ADARB2: variants seen among roughly 807,000 people sequenced by gnomAD.
ADARB2 encodes the protein adenosine deaminase RNA specific B2 (inactive), also known as inactive double-stranded RNA-specific editase B2.
ADARB2 carries 25 observed loss-of-function variants against 62.2 expected under a neutral mutation model. That is an observed-to-expected ratio of 0.40 (90% CI 0.29 to 0.56). The LOEUF is 0.56. Among genes scored for constraint, ADARB2 ranks in the 20% least tolerant of loss-of-function variants. ADARB2 has a pLI of 0.43. For synonymous variants in ADARB2, 572 were observed against 500.8 expected (o/e 1.14, Z -1.90); for missense variants, 1,071 against 1,077.4 (o/e 0.99, Z 0.08).
intron 8 of ADARB2, among the ~76,000 whole-genome samples, chr10:1,199,208 A>C (rs974047940): frequency 1.4e-5 from 2 of 143,706 alleles, no homozygotes; most frequent in East Asian, 3.9e-4. Flanking sequence ...GGTGATTCGG[A>C]AACCCACCCC....
At chr10:1,529,333 T>A (rs567914926) in intron 1 of ADARB2, among the ~76,000 whole-genome samples, 51 of 151,636 alleles carry the variant, frequency 3.4e-4, no homozygotes, top group African/African-American at 1.2e-3. Flanking sequence ...CCATGCACCA[T>A]CCCCAACACA....
intron 1 of ADARB2, among the ~76,000 whole-genome samples, chr10:1,529,566 C>T (rs1005920589): frequency 6.6e-6 from 1 of 152,166 alleles, no homozygotes; most frequent in African/African-American, 2.4e-5. Flanking sequence ...TCTCCTGTGA[C>T]CCCTTCCATA....
At chr10:1,567,551 G>T in intron 1 of ADARB2, among the ~76,000 whole-genome samples, 1 of 152,172 alleles carries the variant, frequency 6.6e-6, no homozygotes, top group Non-Finnish European at 1.5e-5. Flanking sequence ...AAGAGAAAAT[G>T]AAAGGACGGT....
chr10:1,468,906 C>T (rs1461314075), intron 1 of ADARB2, among the ~76,000 whole-genome samples: 2 of 152,234 alleles, frequency 1.3e-5, no homozygotes, highest in East Asian at 3.8e-4. Flanking sequence ...AGGATCCACA[C>T]CAACACTTTT....
chr10:1,485,832 G>T (rs1218874981), intron 1 of ADARB2, among the ~76,000 whole-genome samples: 1 of 152,224 alleles, frequency 6.6e-6, no homozygotes, highest in Non-Finnish European at 1.5e-5. Flanking sequence ...TTCTAATTCA[G>T]ACTTGCAATG....
At chr10:1,547,978 G>A (rs1292822091) in intron 1 of ADARB2, among the ~76,000 whole-genome samples, 1 of 152,036 alleles carries the variant, frequency 6.6e-6, no homozygotes, top group East Asian at 1.9e-4. Context: ...AGGACACGTG[G>A]TACTTGCTTG....
chr10:1,543,060 C>CCAGGCA, intron 1 of ADARB2, among the ~76,000 whole-genome samples: 1 of 152,252 alleles, frequency 6.6e-6, no homozygotes, highest in African/African-American at 2.4e-5. Context: ...GTTACAGCGA[C>CCAGGCA]GGTGCGGCTT....
At chr10:1,393,361 A>G (rs1488566015) in intron 1 of ADARB2, among the ~76,000 whole-genome samples, 2 of 152,228 alleles carry the variant, frequency 1.3e-5, no homozygotes, top group Non-Finnish European at 2.9e-5. Context: ...TTTGTGTTAC[A>G]AATAATCCGA....
chr10:1,435,231 G>A (rs1830821971), intron 1 of ADARB2, among the ~76,000 whole-genome samples: 1 of 152,238 alleles, frequency 6.6e-6, no homozygotes, highest in Non-Finnish European at 1.5e-5. Flanking sequence ...ATGAACGGCA[G>A]GAGCTCAGAC....
At chr10:1,724,979 A>G (rs983911554) in intron 1 of ADARB2, among the ~76,000 whole-genome samples, 2 of 152,244 alleles carry the variant, frequency 1.3e-5, no homozygotes, top group African/African-American at 4.8e-5. Flanking sequence ...CTGTTAGGAC[A>G]GGATAAGGGC....
At chr10:1,227,358 G>A (rs1422143461) in intron 6 of ADARB2, among the ~76,000 whole-genome samples, 1 of 152,198 alleles carries the variant, frequency 6.6e-6, no homozygotes, top group African/African-American at 2.4e-5. Context: ...CGCTTCCCGG[G>A]TGAGGCGATG....
At chr10:1,232,355 GTGTGTGGTC>G (rs1259114230) in intron 6 of ADARB2, among the ~76,000 whole-genome samples, 3 of 152,134 alleles carry the variant, frequency 2.0e-5, no homozygotes, top group Non-Finnish European at 4.4e-5. Context: ...TGTGTGTGGT[GTGTGTGGTC>G]TGTGTGTGGT....
At chr10:1,507,555 G>A (rs765723644) in intron 1 of ADARB2, among the ~76,000 whole-genome samples, 4 of 152,182 alleles carry the variant, frequency 2.6e-5, no homozygotes, top group South Asian at 4.1e-4. Context: ...CGTGAGCTCC[G>A]TCTGGAGATG....
chr10:1,363,116 T>C lies in ADARB2; in HGVS notation c.989A>G (p.Gln330Arg). Reference sequence around the variant, plus strand: ...CTCCTGCAGTGCGGCCTGCGCGGCCTGACCCCGGGCCAGCTTCTTGCTGCG... The same window carrying C: ...CTCCTGCAGTGCGGCCTGCGCGGCCCGACCCCGGGCCAGCTTCTTGCTGCG... ...SGRSKKLARGQAAQAALQELF... is the reference protein window; with the variant it reads ...SGRSKKLARGRAAQAALQELF... Residue 330 changes from glutamine (Q) to arginine (R), a missense_variant, in exon 3 of 10, where the codon CAG becomes CGG. Physicochemically the swap from Gln to Arg is conservative, Grantham distance 43 (BLOSUM62 1). Transcript: ENST00000381312. The C allele has an allele frequency of 3.9e-6, 6 of 1,538,694 alleles. No individual in the cohort carries two copies. The highest frequency in any genetic ancestry group is 2.6e-5 in the East Asian group (1 of 38,278).
chr10:1,264,624 G>C (rs1831176600), intron 4 of ADARB2, among the ~76,000 whole-genome samples: 1 of 152,204 alleles, frequency 6.6e-6, no homozygotes. Flanking sequence ...TAGGTTCAAA[G>C]CCAAGCATAT....
intron 1 of ADARB2, among the ~76,000 whole-genome samples, chr10:1,556,157 C>A (rs571539359): frequency 1.3e-5 from 2 of 152,030 alleles, no homozygotes; most frequent in Non-Finnish European, 1.5e-5. Flanking sequence ...GGCACCTTCC[C>A]GTGGCTGGGA....
intron 1 of ADARB2, among the ~76,000 whole-genome samples, chr10:1,518,779 T>A (rs1183856329): frequency 1.3e-5 from 2 of 152,016 alleles, no homozygotes; most frequent in Non-Finnish European, 2.9e-5. Context: ...TGTGGTGTGG[T>A]CATACGCCTA....
chr10:1,378,986 A>T, intron 2 of ADARB2, 88 bp downstream of exon 2: 1 of 1,097,684 alleles, frequency 9.1e-7, no homozygotes, highest in Non-Finnish European at 1.4e-6. Flanking sequence ...AGATGACCCC[A>T]GGTATCTCAG....
intron 1 of ADARB2, among the ~76,000 whole-genome samples, chr10:1,620,683 A>T (rs1833694467): frequency 6.6e-6 from 1 of 152,220 alleles, no homozygotes; most frequent in Non-Finnish European, 1.5e-5. Flanking sequence ...ATAGCCCAAG[A>T]TTTCTTATGA....
Sources: gnomAD v4.1 joint callset for allele counts (sites outside exome capture counted in the v4.1 genomes callset) on GRCh38, gnomAD v4.1.1 for gene constraint, MANE v1.5 for transcripts, NCBI Gene and HGNC (gene_info 2026-07-23, HGNC 2026-07-21) for gene names.